The following RARG variants were observed in gnomAD, a reference collection of about 807,000 sequenced individuals.
The protein encoded by RARG is RAR-gamma.
A neutral mutation model predicts 43.7 loss-of-function variants in RARG; 17 were observed. That is an observed-to-expected ratio of 0.39 (90% CI 0.27 to 0.58). The LOEUF (loss-of-function observed/expected upper bound fraction) is 0.58. Ranked by LOEUF, RARG falls within the 20% of genes least tolerant of loss-of-function variation. The pLI is 0.57. For missense variants in RARG, 346 were observed against 598.7 expected (o/e 0.58, Z 4.40); for synonymous variants, 238 against 236.4 (o/e 1.01, Z -0.06).
intron 9 of RARG, among the ~76,000 whole-genome samples, chr12:53,212,344 G>A (rs78154530): frequency 6.6e-6 from 1 of 152,206 alleles, no homozygotes; most frequent in Non-Finnish European, 1.5e-5. Context: ...AATCTGAAAT[G>A]TGACTACTGC....
Position 53,215,192 on chromosome 12 carries a change from A to G in RARG, c.475+101T>C. 6.8e-7 allele frequency: 1 copy of G among 1,472,314 alleles called. No homozygotes were observed. Among genetic ancestry groups the G allele is most frequent in the Non-Finnish European group, 9.2e-7 (1 of 1,084,834 alleles). The allele number at this position is 1,472,314 out of a possible 1,614,324, so 91.2% of individuals were successfully genotyped here. On this transcript the variant is annotated intron_variant, in intron 5 of 9. Transcript: ENST00000425354. The surrounding 1 kb of genome is among the most constrained non-coding windows in gnomAD (Gnocchi z 6.4). ...GAAGGCAGCACCCCAGGGCAGGCCA[A>G]GTCTCAGAGGTCAGGGAAGTGGGAG...
intron 2 of RARG, among the ~76,000 whole-genome samples, chr12:53,230,836 C>CGT (rs59367849): frequency 0.085 from 10,190 of 119,858 alleles, 411 homozygotes; most frequent in East Asian, 0.17. Context: ...GGCCACAGTG[C>CGT]GTGTGTGTGT....
chr12:53,213,338 C>A lies in RARG; in HGVS notation c.1019-95G>T. ...ATCACCAACCGGCGTTTTGGGAAGC[C>A]TGTACAGGGTTTCAGAACTCTCTGG... is the stretch of plus-strand genomic sequence containing the variant. On this transcript the variant is annotated intron_variant, in intron 8 of 9. Coordinates refer to ENST00000425354, the MANE Select transcript of RARG (RefSeq NM_000966.6). The surrounding 1 kb of genome is among the most constrained non-coding windows in gnomAD (Gnocchi z 4.7). 6.7e-7 allele frequency: 1 copy of A among 1,489,542 alleles called. No individual in the cohort carries two copies. The highest frequency in any genetic ancestry group is 9.3e-7 in the Non-Finnish European group (1 of 1,080,500). The allele number at this position is 1,489,542 out of a possible 1,614,324, so 92.3% of individuals were successfully genotyped here.
In RARG at chr12:53,211,599, G is replaced by C; in HGVS notation, c.*77C>G. 7.8e-7 allele frequency: 1 copy of C among 1,286,260 alleles called. No homozygotes were observed. Among genetic ancestry groups the C allele is most frequent in the Non-Finnish European group, 1.0e-6 (1 of 987,090 alleles). The allele number at this position is 1,286,260 out of a possible 1,614,324, so 79.7% of individuals were successfully genotyped here. A position where few individuals can be genotyped will look rare whatever the true frequency, so the allele number is the denominator to read the frequency against. The stretch of plus-strand genomic sequence containing the variant: ...AGAGGGCAGAGCAGGTCCTCCCCCA[G>C]TCACTGGCGGTCTGGGAGATGGTCA... On this transcript the variant is annotated 3_prime_UTR_variant, in exon 10 of 10. Coordinates refer to ENST00000425354, the MANE Select transcript of RARG (RefSeq NM_000966.6). The surrounding 1 kb of genome is among the most constrained non-coding windows in gnomAD (Gnocchi z 4.6).
intron 9 of RARG, among the ~76,000 whole-genome samples, chr12:53,212,590 T>C (rs911810754): frequency 1.8e-4 from 27 of 152,326 alleles, no homozygotes; most frequent in African/African-American, 6.3e-4. Context: ...ACTACAGATG[T>C]GCACCATGGT....
intron 3 of RARG, among the ~76,000 whole-genome samples, chr12:53,218,778 C>T (rs1942852182): frequency 6.6e-6 from 1 of 152,112 alleles, no homozygotes; most frequent in East Asian, 1.9e-4. Context: ...GTGCGCACTC[C>T]CCCAGCGCCC....
At chr12:53,229,952 G>A in intron 2 of RARG, 1 of 977,898 alleles carries the variant, frequency 1.0e-6, no homozygotes, top group Non-Finnish European at 1.2e-6. Flanking sequence ...AGTTGTCCTT[G>A]GCCTTCCTCT....
intron 3 of RARG, chr12:53,220,159 C>A (rs1942912028): frequency 1.3e-6 from 2 of 1,549,910 alleles, no homozygotes; most frequent in Non-Finnish European, 1.7e-6. Flanking sequence ...GCAGCCGATT[C>A]CCCCTCCTCC....
intron 3 of RARG, among the ~76,000 whole-genome samples, chr12:53,216,854 G>A (rs1401869096): frequency 7.4e-5 from 9 of 121,810 alleles, no homozygotes; most frequent in East Asian, 2.0e-4. Flanking sequence ...GCGCGCGCGC[G>A]CGCGCGCGTG....
chr12:53,211,553 A>G lies in RARG; in HGVS notation c.*123T>C. ...CCTAGAAACTTTGGCAAAAACAAGGAGCTCATTGGAAGGGGTGGGGAGAGG... is the reference window on the plus strand; with the variant it reads ...CCTAGAAACTTTGGCAAAAACAAGGGGCTCATTGGAAGGGGTGGGGAGAGG... On this transcript the variant is annotated 3_prime_UTR_variant, in exon 10 of 10. Coordinates refer to ENST00000425354, the MANE Select transcript of RARG (RefSeq NM_000966.6). This position sits in a 1 kb window ranked among gnomAD's most constrained non-coding sequence, Gnocchi z 4.6. 1 of 951,072 alleles carries G rather than the reference A, an allele frequency of 1.1e-6. No homozygotes were observed. The allele number at this position is 951,072 out of a possible 1,614,324, so 58.9% of individuals were successfully genotyped here. A position where few individuals can be genotyped will look rare whatever the true frequency, so the allele number is the denominator to read the frequency against.
rs537713298 is a variant in RARG, at chr12:53,220,195, G to C, written c.185-4401C>G. 5.2e-6 allele frequency: 8 copies of C among 1,548,560 alleles called. No individual in the cohort carries two copies. The Admixed American group carries it at 5.9e-5, about 11-fold the overall frequency. The stretch of plus-strand genomic sequence containing the variant: ...CCCGGCGGCGCCCCGCTCCAGCAGG[G>C]GGGGAGGGGGAGGGCTAGCATAGGG... On this transcript the variant is annotated intron_variant, in intron 3 of 9. Coordinates refer to ENST00000425354, the MANE Select transcript of RARG (RefSeq NM_000966.6).
chr12:53,225,629 A>G (rs143832128), intron 3 of RARG, among the ~76,000 whole-genome samples: 1 of 151,496 alleles, frequency 6.6e-6, no homozygotes, highest in Admixed American at 6.6e-5. Flanking sequence ...TTTCTCTCCA[A>G]CTCTGTCTCT....
At position 53,221,919 on chromosome 12, in the gene RARG, G is replaced by A. The variant is rs1193435353; in HGVS notation, c.184+5443C>T. On this transcript the variant is annotated intron_variant, in intron 3 of 9. Transcript: ENST00000425354. Reference sequence around the variant, plus strand: ...TTTCTAAGAATCTGTTGTACCGGGTGGGGGGCGCACTGGGGTGCTGCAGGA... The same window carrying A: ...TTTCTAAGAATCTGTTGTACCGGGTAGGGGGCGCACTGGGGTGCTGCAGGA... Among the ~76,000 whole-genome samples, 8 of 152,006 alleles carry A rather than the reference G, an allele frequency of 5.3e-5. No individual in the cohort carries two copies. In the South Asian group the frequency reaches 1.7e-3, roughly 32 times the overall value.
At chr12:53,223,625 G>A (rs1315678194) in intron 3 of RARG, among the ~76,000 whole-genome samples, 1 of 152,098 alleles carries the variant, frequency 6.6e-6, no homozygotes, top group Non-Finnish European at 1.5e-5. Context: ...GGGAGGGGAG[G>A]GGAAAAGAGG....
At chr12:53,228,609 T>C (rs751643081) in intron 2 of RARG, among the ~76,000 whole-genome samples, 2 of 152,216 alleles carry the variant, frequency 1.3e-5, no homozygotes, top group Non-Finnish European at 2.9e-5. Context: ...TCTAAGGATG[T>C]TGATGGAGCC....
At chr12:53,229,802 C>T in intron 2 of RARG, 1 of 355,172 alleles carries the variant, frequency 2.8e-6, no homozygotes, top group Non-Finnish European at 3.9e-6. Flanking sequence ...GGGAACAGGG[C>T]TCTCTGCCTT....
chr12:53,212,946 C>A (rs1942645132), intron 9 of RARG, 139 bp downstream of exon 9: 1 of 1,087,090 alleles, frequency 9.2e-7, no homozygotes, highest in African/African-American at 1.6e-5. Context: ...TCTCCCACTA[C>A]TATGTGGCAG....
At chr12:53,220,779 C>T (rs1942934787) in intron 3 of RARG, among the ~76,000 whole-genome samples, 1 of 152,106 alleles carries the variant, frequency 6.6e-6, no homozygotes, top group South Asian at 2.1e-4. Flanking sequence ...TTTCCCTCTC[C>T]CCAAACTCTC....
chr12:53,232,117 G>C lies in RARG; in HGVS notation c.-353C>G, dbSNP rs1943251486. The C allele has an allele frequency of 1.3e-5, 5 of 398,510 alleles. No individual in the cohort carries two copies. The highest frequency in any genetic ancestry group is 2.2e-5 in the Non-Finnish European group (5 of 226,090). 24.7% of individuals were successfully genotyped at this position (398,510 alleles called of 1,614,324 possible). A position where few individuals can be genotyped will look rare whatever the true frequency, so the allele number is the denominator to read the frequency against. Reference sequence around the variant, plus strand: ...CGGCTCTAGGCTGGGACTGTCCCGGGGCCTCTCGGAGCCCGCCCGCCCACG... The same window carrying C: ...CGGCTCTAGGCTGGGACTGTCCCGGCGCCTCTCGGAGCCCGCCCGCCCACG... On this transcript the variant is annotated 5_prime_UTR_variant, in exon 1 of 10. Coordinates refer to ENST00000425354, the MANE Select transcript of RARG (RefSeq NM_000966.6).
Sources: allele counts gnomAD v4.1 joint callset (sites outside exome capture counted in the v4.1 genomes callset), GRCh38; gene constraint gnomAD v4.1.1; non-coding constraint Gnocchi (gnomAD v3.1); transcripts MANE v1.5; gene names NCBI Gene and HGNC (gene_info 2026-07-23, HGNC 2026-07-21).